Variants in SGIP1 observed in about 807,000 individuals in gnomAD.
The protein encoded by SGIP1 is SH3GL interacting endocytic adaptor 1, also known as SH3-containing GRB2-like protein 3-interacting protein 1.
A neutral mutation model predicts 107.5 loss-of-function variants in SGIP1; 38 were observed. The observed-to-expected ratio is 0.35, with a 90% confidence interval of 0.27 to 0.46. The LOEUF is 0.46. Ranked by LOEUF, SGIP1 falls within the 20% of genes least tolerant of loss-of-function variation. SGIP1 has a pLI of 1.00. For synonymous variants in SGIP1, 365 were observed against 366.1 expected (o/e 1.00, Z 0.03); for missense variants, 929 against 1,019.5 (o/e 0.91, Z 1.21).
chr1:66,729,561 A>G, intron 20 of SGIP1, 142 bp downstream of exon 20: 1 of 1,139,584 alleles, frequency 8.8e-7, no homozygotes, highest in Non-Finnish European at 1.2e-6. Context: ...CAAGCACAGA[A>G]CTTTTACCAG....
At chr1:66,541,493 C>T (rs2054934047) in intron 1 of SGIP1, among the ~76,000 whole-genome samples, 1 of 152,218 alleles carries the variant, frequency 6.6e-6, no homozygotes, top group South Asian at 2.1e-4. Flanking sequence ...AAAGTTACAG[C>T]TGAGAGCTCA....
rs981743610 is a variant in SGIP1, at chr1:66,742,715, C to T, written c.2465-358C>T. ...CGATCTCCTGACCTCGTGATCCGCC[C>T]GCCTCGGCCTCCCAAAGTGCTGGGA... On this transcript the variant is annotated intron_variant, in intron 24 of 24. Coordinates refer to ENST00000371037, the MANE Select transcript of SGIP1 (RefSeq NM_032291.4). Among the ~76,000 whole-genome samples, 8 of 148,824 alleles carry T rather than the reference C, an allele frequency of 5.4e-5. No individual in the cohort carries two copies. In the South Asian group the frequency reaches 1.5e-3, roughly 27 times the overall value.
At chr1:66,741,171 A>G in intron 23 of SGIP1, 101 bp from the exon 24 acceptor site, 2 of 1,249,162 alleles carry the variant, frequency 1.6e-6, no homozygotes, top group Non-Finnish European at 2.2e-6. Flanking sequence ...TTGTCAAAGA[A>G]TCATGTCTGA....
intron 1 of SGIP1, among the ~76,000 whole-genome samples, chr1:66,570,680 A>T (rs902283983): frequency 7.9e-5 from 12 of 151,950 alleles, no homozygotes; most frequent in Non-Finnish European, 4.4e-5. Context: ...AGCACTAAGG[A>T]TTTAGTATTG....
At chr1:66,564,768 T>A (rs934582776) in intron 1 of SGIP1, among the ~76,000 whole-genome samples, 1 of 151,904 alleles carries the variant, frequency 6.6e-6, no homozygotes, top group Non-Finnish European at 1.5e-5. Flanking sequence ...CAATCTACTA[T>A]CTGTGGGCTT....
intron 1 of SGIP1, among the ~76,000 whole-genome samples, chr1:66,571,282 G>A (rs569459884): frequency 9.7e-4 from 147 of 152,030 alleles, no homozygotes; most frequent in Middle Eastern, 3.4e-3. Context: ...CAAGGTGGAG[G>A]GAAGAGAAAG....
At chr1:66,599,897 T>A (rs906866564) in intron 1 of SGIP1, among the ~76,000 whole-genome samples, 5 of 152,194 alleles carry the variant, frequency 3.3e-5, no homozygotes, top group African/African-American at 1.2e-4. Context: ...TGAACTCCAA[T>A]TGAACACTAA....
At chr1:66,725,404 A>G (rs1005677204) in intron 19 of SGIP1, among the ~76,000 whole-genome samples, 11 of 152,240 alleles carry the variant, frequency 7.2e-5, no homozygotes, top group African/African-American at 2.7e-4. Flanking sequence ...TGGAGTCTCC[A>G]TGCTCCAATG....
At chr1:66,738,044 G>T (rs1318619847) in intron 21 of SGIP1, among the ~76,000 whole-genome samples, 1 of 152,212 alleles carries the variant, frequency 6.6e-6, no homozygotes, top group Admixed American at 6.5e-5. Flanking sequence ...AAAAAGGGGT[G>T]GGGGAGGGGG....
chr1:66,647,455 C>T (rs2077850385), intron 7 of SGIP1, among the ~76,000 whole-genome samples: 1 of 152,278 alleles, frequency 6.6e-6, no homozygotes, highest in Middle Eastern at 3.4e-3. Context: ...AGCCAGCTAA[C>T]ATTCGGGGTT....
At chr1:66,663,139 G>A (rs1557520067) in intron 8 of SGIP1, among the ~76,000 whole-genome samples, 1 of 151,926 alleles carries the variant, frequency 6.6e-6, no homozygotes, top group Non-Finnish European at 1.5e-5. Context: ...TTCTCACGTG[G>A]CGCACATGGG....
chr1:66,600,671 A>G (rs113812062), intron 1 of SGIP1, among the ~76,000 whole-genome samples: 6 of 152,192 alleles, frequency 3.9e-5, no homozygotes, highest in African/African-American at 9.7e-5. Context: ...TTACTGGACT[A>G]TGAAGTGTCA....
intron 1 of SGIP1, among the ~76,000 whole-genome samples, chr1:66,542,605 A>G (rs935030063): frequency 1.3e-5 from 2 of 152,230 alleles, no homozygotes; most frequent in Non-Finnish European, 2.9e-5. Context: ...TGTCCCAGAC[A>G]GGATGGAGTA....
chr1:66,673,409 TTATTAAAGTACAACTCTTC>T (rs1421421584), intron 12 of SGIP1, 43 bp downstream of exon 12: 1 of 1,496,728 alleles, frequency 6.7e-7, no homozygotes, highest in Non-Finnish European at 9.0e-7. Flanking sequence ...GTTTTTTCTT[TTATTAAAGTACAACTCTTC>T]TAGATTAAAT....
At chr1:66,580,701 G>T (rs191127435) in intron 1 of SGIP1, among the ~76,000 whole-genome samples, 9 of 152,098 alleles carry the variant, frequency 5.9e-5, no homozygotes, top group African/African-American at 1.9e-4. Flanking sequence ...AATTATACAA[G>T]AATTCTTAAT....
chr1:66,696,102 T>A (rs2090872940), intron 18 of SGIP1, among the ~76,000 whole-genome samples: 2 of 152,192 alleles, frequency 1.3e-5, no homozygotes, highest in Non-Finnish European at 2.9e-5. Flanking sequence ...GACTTGCCAT[T>A]TAGAAGATTA....
chr1:66,714,052 C>T (rs894526045), intron 18 of SGIP1, among the ~76,000 whole-genome samples: 1 of 152,110 alleles, frequency 6.6e-6, no homozygotes, highest in African/African-American at 2.4e-5. Context: ...AATTCAACAA[C>T]CTCAGTAAAG....
At chr1:66,690,042 G>A in intron 16 of SGIP1, 148 bp from the exon 17 acceptor site, 1 of 909,862 alleles carries the variant, frequency 1.1e-6, no homozygotes, top group Non-Finnish European at 1.7e-6. Context: ...CTCTCATATA[G>A]ATAGAATTAA....
chr1:66,621,212 G>C (rs2071007202), intron 1 of SGIP1, among the ~76,000 whole-genome samples: 1 of 152,214 alleles, frequency 6.6e-6, no homozygotes, highest in African/African-American at 2.4e-5. Flanking sequence ...TTACTTTCTT[G>C]ATTCTGAAGG....
Sources: gnomAD v4.1 joint callset for allele counts (sites outside exome capture counted in the v4.1 genomes callset) on GRCh38, gnomAD v4.1.1 for gene constraint, MANE v1.5 for transcripts, NCBI Gene and HGNC (gene_info 2026-07-23, HGNC 2026-07-21) for gene names.